Variants in DOT1L observed in about 807,000 individuals in gnomAD.
DOT1L encodes the protein histone-lysine N-methyltransferase, H3 lysine-79 specific.
A neutral mutation model predicts 153.3 loss-of-function variants in DOT1L; 33 were observed. The observed-to-expected ratio is 0.22, with a 90% CI of 0.16 to 0.29. The LOEUF is 0.29. Among genes scored for constraint, DOT1L ranks in the 10% least tolerant of loss-of-function variants. DOT1L has a pLI of 1.00. For missense variants in DOT1L, 1,847 were observed against 2,119.9 expected (o/e 0.87, Z 2.53); for synonymous variants, 1,135 against 965.1 (o/e 1.18, Z -3.26).
chr19:2,228,956 G>C (rs1403376167), intron 27 of DOT1L: 29 of 985,294 alleles, frequency 2.9e-5, no homozygotes, highest in African/African-American at 3.5e-5. Context: ...GGGCTGATGG[G>C]TTCCCGGCGG....
At chr19:2,227,201 C>G in intron 27 of DOT1L, 74 bp downstream of exon 27, 1 of 1,553,744 alleles carries the variant, frequency 6.4e-7, no homozygotes. Context: ...AGGTTCCCTT[C>G]CGCACTCTCT....
chr19:2,176,863 G>A (rs747680769), intron 1 of DOT1L, among the ~76,000 whole-genome samples: 1 of 152,230 alleles, frequency 6.6e-6, no homozygotes, highest in Non-Finnish European at 1.5e-5. Context: ...TGGGACCACA[G>A]CAGGCTGGAA....
chr19:2,214,771 G>A, intron 19 of DOT1L, 175 bp downstream of exon 19: 1 of 947,266 alleles, frequency 1.1e-6, no homozygotes, highest in Non-Finnish European at 1.5e-6. Flanking sequence ...CTGCCCGTGT[G>A]GATGACTCTG....
intron 20 of DOT1L, 76 bp downstream of exon 20, chr19:2,216,841 T>A (rs2023923530): frequency 1.9e-6 from 3 of 1,554,558 alleles, no homozygotes; most frequent in Admixed American, 1.8e-5. Flanking sequence ...GCTGTCGGGT[T>A]CTCAGCAGGA....
chr19:2,218,854 G>A (rs528639331), intron 22 of DOT1L, among the ~76,000 whole-genome samples: 63 of 151,844 alleles, frequency 4.1e-4, no homozygotes, highest in African/African-American at 1.4e-3. Flanking sequence ...CCACCACCAC[G>A]CCCGGTTAAT....
At chr19:2,164,669 C>T (rs1467105474) in intron 1 of DOT1L, among the ~76,000 whole-genome samples, 3 of 147,024 alleles carry the variant, frequency 2.0e-5, no homozygotes, top group African/African-American at 5.0e-5. Context: ...CCTTTCCTGT[C>T]TCCTCTTCTC....
In DOT1L at chr19:2,217,940, G is replaced by A. The variant is rs1332094583; in HGVS notation, c.2691+22G>A. ...GGCGGTGAGTGGCTCCCAGGTGGCT[G>A]TCCCCAAGGGCCACGTTGAGGCAAA... On this transcript the variant is annotated intron_variant, in intron 22 of 27. Coordinates refer to ENST00000398665, the MANE Select transcript of DOT1L (RefSeq NM_032482.3). This position sits in a 1 kb window ranked among gnomAD's most constrained non-coding sequence, Gnocchi z 7.3. The A allele has an allele frequency of 4.4e-6, 7 of 1,607,126 alleles. No individual in the cohort carries two copies. Among genetic ancestry groups the A allele is most frequent in the Non-Finnish European group, 5.9e-6 (7 of 1,178,464 alleles).
At position 2,229,981 on chromosome 19, in the gene DOT1L, G is replaced by A; in HGVS notation, c.*189G>A. ...ACTGGTCCAGTTTGTACTGTCGATA[G>A]TTTTAGATAAAGTATTTATCATTTT... is the stretch of plus-strand genomic sequence containing the variant. On this transcript the variant is annotated 3_prime_UTR_variant, in exon 28 of 28. Coordinates refer to ENST00000398665, the MANE Select transcript of DOT1L (RefSeq NM_032482.3). 1.2e-6 allele frequency: 1 copy of A among 808,838 alleles called. No individual in the cohort carries two copies. Among genetic ancestry groups the A allele is most frequent in the Non-Finnish European group, 1.9e-6 (1 of 518,562 alleles). 50.1% of individuals were successfully genotyped at this position (808,838 alleles called of 1,614,324 possible).
At chr19:2,215,739 A>C (rs1394706702) in intron 19 of DOT1L, 2 of 152,448 alleles carry the variant, frequency 1.3e-5, no homozygotes, top group African/African-American at 4.8e-5. Context: ...CGACCTCTTT[A>C]CCACAGCCGG....
At chr19:2,205,598 C>T (rs1408189418) in intron 9 of DOT1L, among the ~76,000 whole-genome samples, 3 of 152,228 alleles carry the variant, frequency 2.0e-5, no homozygotes, top group Non-Finnish European at 4.4e-5. Context: ...TAATTCTTTT[C>T]GCATGACTGT....
Position 2,210,804 on chromosome 19 carries a change from G to T in DOT1L, c.1300G>T (p.Asp434Tyr), listed in dbSNP as rs2144833267. ...GCCCAAGAAGAACCAAACTGCACTG[G>T]ATGCCCTGCACGCTCAGACCGTGTC... ...RKPKKNQTAL[D>Y]ALHAQTVSQT... is the part of the protein sequence containing the mutation. Residue 434 changes from aspartate (D) to tyrosine (Y), a missense_variant, in exon 14 of 28, where the codon GAT becomes TAT. Physicochemically the swap from Asp to Tyr is radical, Grantham distance 160 (BLOSUM62 -3). Transcript: ENST00000398665. 6.2e-7 allele frequency: 1 copy of T among 1,612,898 alleles called. No individual in the cohort carries two copies. The highest frequency in any genetic ancestry group is 8.5e-7 in the Non-Finnish European group (1 of 1,179,988).
chr19:2,195,959 C>T (rs542493671), intron 7 of DOT1L, among the ~76,000 whole-genome samples: 1 of 152,352 alleles, frequency 6.6e-6, no homozygotes, highest in Non-Finnish European at 1.5e-5. Context: ...CTCACTGTCT[C>T]CTCAGCAGGG....
At position 2,218,688 on chromosome 19, in the gene DOT1L, TG is replaced by T. The variant is rs1313906543; in HGVS notation, c.2691+772del. The stretch of plus-strand genomic sequence containing the variant: ...GATTACAGGCGTGAGCCACGACGTC[TG>T]GCCTCTTTCTTTTTTTTTATTTTTC... On this transcript the variant is annotated intron_variant, in intron 22 of 27. Transcript: ENST00000398665. Among the ~76,000 whole-genome samples the T allele has an allele frequency of 2.0e-5, 3 of 151,350 alleles. No homozygotes were observed. In the East Asian group the frequency reaches 5.9e-4, roughly 30 times the overall value.
At chr19:2,188,579 G>A (rs1020833016) in intron 3 of DOT1L, among the ~76,000 whole-genome samples, 3 of 151,572 alleles carry the variant, frequency 2.0e-5, no homozygotes, top group Non-Finnish European at 4.4e-5. Context: ...GCACTGCAGG[G>A]TGCCGAGCAG....
chr19:2,206,690 C>T (rs1381137800), intron 9 of DOT1L, 39 bp from the exon 10 acceptor site: 1 of 1,609,090 alleles, frequency 6.2e-7, no homozygotes, highest in African/African-American at 1.3e-5. Flanking sequence ...CTTCTGTTTC[C>T]TCTCTCCTGT....
intron 2 of DOT1L, among the ~76,000 whole-genome samples, chr19:2,182,079 T>G (rs1599547396): frequency 6.6e-6 from 1 of 151,784 alleles, no homozygotes; most frequent in East Asian, 1.9e-4. Flanking sequence ...ACACAAAAAT[T>G]AGCCGGGTGA....
At chr19:2,179,006 A>G (rs2022097383) in intron 1 of DOT1L, among the ~76,000 whole-genome samples, 1 of 152,090 alleles carries the variant, frequency 6.6e-6, no homozygotes. Flanking sequence ...CCATCCCATC[A>G]TTGCCATGAG....
intron 1 of DOT1L, among the ~76,000 whole-genome samples, chr19:2,180,014 G>T (rs1555716556): frequency 6.6e-6 from 1 of 152,204 alleles, no homozygotes; most frequent in Non-Finnish European, 1.5e-5. Flanking sequence ...GGCCCTGCTG[G>T]GTGTGAACCT....
intron 1 of DOT1L, among the ~76,000 whole-genome samples, chr19:2,177,740 G>A (rs1219693552): frequency 6.6e-6 from 1 of 151,846 alleles, no homozygotes; most frequent in Non-Finnish European, 1.5e-5. Flanking sequence ...GCCCAGCCCC[G>A]GCTCTTGCCT....
Sources: allele counts gnomAD v4.1 joint callset (sites outside exome capture counted in the v4.1 genomes callset), GRCh38; gene constraint gnomAD v4.1.1; non-coding constraint Gnocchi (gnomAD v3.1); transcripts MANE v1.5; gene names NCBI Gene and HGNC (gene_info 2026-07-23, HGNC 2026-07-21).